Variants in NALCN observed in about 807,000 individuals in gnomAD.
The protein encoded by NALCN is sodium leak channel NALCN.
NALCN carries 111 observed loss-of-function variants against 225.3 expected under a neutral mutation model. The ratio of observed to expected loss-of-function variants is 0.49; its 90% CI spans 0.42 to 0.58. The LOEUF is 0.58. Among genes scored for constraint, NALCN ranks in the 20% least tolerant of loss-of-function variants. NALCN has a pLI of 0.00. For missense variants in NALCN, 1,378 were observed against 2,202.4 expected, an observed-to-expected ratio of 0.63 and a Z score of 7.49; for synonymous variants, 764 against 769.0, an observed-to-expected ratio of 0.99 and a Z score of 0.11.
intron 1 of NALCN, among the ~76,000 whole-genome samples, chr13:101,400,856 C>G (rs2047457170): frequency 1.3e-5 from 2 of 152,054 alleles, no homozygotes; most frequent in African/African-American, 4.8e-5. Context: ...CGGTTTCCCC[C>G]ATGCTGTTCT....
intron 9 of NALCN, among the ~76,000 whole-genome samples, chr13:101,284,805 A>G (rs1005800947): frequency 6.6e-6 from 1 of 152,184 alleles, no homozygotes; most frequent in Non-Finnish European, 1.5e-5. Flanking sequence ...GGTACCTATT[A>G]TCTCCTAGGT....
chr13:101,061,884 T>C, intron 41 of NALCN, 84 bp downstream of exon 41: 20 of 1,337,088 alleles, frequency 1.5e-5, no homozygotes, highest in Non-Finnish European at 2.0e-5. Context: ...AATCCCATGT[T>C]CACGAAGCTC....
At chr13:101,157,768 C>G (rs1388160229) in intron 15 of NALCN, among the ~76,000 whole-genome samples, 1 of 132,374 alleles carries the variant, frequency 7.6e-6, no homozygotes, top group Non-Finnish European at 1.6e-5. Context: ...TTTTTTTTTC[C>G]TGAGATGGAG....
intron 10 of NALCN, among the ~76,000 whole-genome samples, chr13:101,266,954 T>A (rs2042616448): frequency 6.6e-6 from 1 of 152,210 alleles, no homozygotes; most frequent in South Asian, 2.1e-4. Context: ...AACCAGTGGA[T>A]ATCCTTAGAG....
At chr13:101,301,934 A>G (rs907106637) in intron 7 of NALCN, among the ~76,000 whole-genome samples, 3 of 152,214 alleles carry the variant, frequency 2.0e-5, no homozygotes, top group African/African-American at 4.8e-5. Context: ...AATGTTAATT[A>G]GAAGCTTTTC....
intron 7 of NALCN, among the ~76,000 whole-genome samples, chr13:101,303,734 G>A (rs984422916): frequency 3.3e-5 from 5 of 152,094 alleles, no homozygotes; most frequent in South Asian, 2.1e-4. Flanking sequence ...GTCTTTCCGC[G>A]CTCTCATTAG....
chr13:101,183,917 A>G (rs191656834), intron 14 of NALCN, among the ~76,000 whole-genome samples: 1 of 152,174 alleles, frequency 6.6e-6, no homozygotes, highest in African/African-American at 2.4e-5. Context: ...TAGTTTGTAC[A>G]ATGCTGTAAA....
At chr13:101,376,002 A>G (rs879452823) in intron 6 of NALCN, among the ~76,000 whole-genome samples, 1 of 152,188 alleles carries the variant, frequency 6.6e-6, no homozygotes, top group Non-Finnish European at 1.5e-5. Flanking sequence ...AATACATAAT[A>G]GGTAATTAAA....
rs1376531968 is a variant in NALCN at position 101,107,836 on chromosome 13, A to G, written c.2365-47T>C. ...GTGTGTTAAAACAGGAGGGTTTTGAATGCAAAATATATTATCAGTTAAAAA... is the reference window on the plus strand; with the variant it reads ...GTGTGTTAAAACAGGAGGGTTTTGAGTGCAAAATATATTATCAGTTAAAAA... On this transcript the variant is annotated intron_variant, in intron 20 of 43. Coordinates refer to ENST00000251127, the MANE Select transcript of NALCN (RefSeq NM_052867.4). 7 of 1,501,976 alleles carry G rather than the reference A, an allele frequency of 4.7e-6. No homozygotes were observed. The South Asian group carries it at 5.1e-5, about 11-fold the overall frequency. 93.0% of individuals were successfully genotyped at this position (1,501,976 alleles called of 1,614,324 possible).
intron 13 of NALCN, among the ~76,000 whole-genome samples, chr13:101,198,043 A>G (rs1171893551): frequency 6.6e-6 from 1 of 152,218 alleles, no homozygotes; most frequent in East Asian, 1.9e-4. Context: ...ATTAGAGTGT[A>G]TCATCTTCCT....
chr13:101,055,376 G>A lies in NALCN; in HGVS notation c.5136C>T (p.Cys1712=), dbSNP rs1179621139. 8.1e-6 allele frequency: 13 copies of A among 1,614,108 alleles called. No homozygotes were observed. The highest frequency in any genetic ancestry group is 4.5e-5 in the East Asian group (2 of 44,882). Residue 1712 remains cysteine (C), a synonymous_variant, in exon 44 of 44, where the codon TGC becomes TGT. Transcript: ENST00000251127. ...TCCACCACTTCTTAACTTCAGAACC[G>A]CAGGAAGCCGCGTCAGTCATGGGGT... The part of the protein sequence containing the change: ...KMNPMTDAAS[C]GSEVKKWWTR...
chr13:101,100,446 G>A (rs1215048934), intron 27 of NALCN, among the ~76,000 whole-genome samples: 1 of 152,214 alleles, frequency 6.6e-6, no homozygotes, highest in African/African-American at 2.4e-5. Context: ...CTAGCCAGAA[G>A]AGACATATCA....
At position 101,055,478 on chromosome 13, in the gene NALCN, T is replaced by C. The variant is rs1424408821; in HGVS notation, c.5034A>G (p.Pro1678=). 3 of 1,614,052 alleles carry C rather than the reference T, an allele frequency of 1.9e-6. No homozygotes were observed. The highest frequency in any genetic ancestry group is 1.1e-5 in the South Asian group (1 of 91,064). The change falls in exon 44 of 44, where the codon CCA becomes CCG. Residue 1678 remains proline (P), a synonymous_variant. Transcript: ENST00000251127. ...GQWRLPSAPK[P]ISHSVSSVNL... ...TGACTGAGGACACTGAATGGCTTAT[T>C]GGTTTTGGGGCTGTGGAATTAATGA...
At position 101,180,372 on chromosome 13, in the gene NALCN, CT is replaced by C. The variant is rs35502882; in HGVS notation, c.1765-3999del. On this transcript the variant is annotated intron_variant, in intron 14 of 43. Coordinates refer to ENST00000251127, the MANE Select transcript of NALCN (RefSeq NM_052867.4). ...AGGCACCTACCACCATGCCTGGCTACTTTTTTTTTTTTTTTTATTTTTTGTA... is the reference window on the plus strand; with the variant it reads ...AGGCACCTACCACCATGCCTGGCTACTTTTTTTTTTTTTTTATTTTTTGTA... 7.1e-3 allele frequency: 904 copies of C among 128,168 alleles called. 9 individuals are homozygous for C. Among genetic ancestry groups the C allele is most frequent in the African/African-American group, 0.019 (695 of 35,684 alleles). 7.9% of individuals were successfully genotyped at this position (128,168 alleles called of 1,614,324 possible). A position where few individuals can be genotyped will look rare whatever the true frequency, so the allele number is the denominator to read the frequency against.
At chr13:101,270,313 G>C (rs577665225) in intron 10 of NALCN, among the ~76,000 whole-genome samples, 2 of 152,322 alleles carry the variant, frequency 1.3e-5, no homozygotes, top group South Asian at 4.1e-4. Flanking sequence ...TGATGGTTTT[G>C]AGATGTCATT....
chr13:101,172,479 G>A (rs1277868929), intron 15 of NALCN, among the ~76,000 whole-genome samples: 5 of 151,926 alleles, frequency 3.3e-5, no homozygotes, highest in East Asian at 1.9e-4. Flanking sequence ...GCTTAAGGGC[G>A]GCCTCTCCTC....
intron 10 of NALCN, among the ~76,000 whole-genome samples, chr13:101,267,694 C>A (rs1440886590): frequency 3.3e-5 from 5 of 152,176 alleles, no homozygotes; most frequent in African/African-American, 1.2e-4. Flanking sequence ...TAATGGCGAG[C>A]CACACCCAAA....
At chr13:101,268,411 C>A (rs1023135129) in intron 10 of NALCN, among the ~76,000 whole-genome samples, 1 of 152,168 alleles carries the variant, frequency 6.6e-6, no homozygotes, top group Admixed American at 6.5e-5. Context: ...CTTATGGCAT[C>A]TCTGAGTCTG....
chr13:101,259,751 T>TATATATAC (rs10622707), intron 10 of NALCN, among the ~76,000 whole-genome samples: 207 of 131,948 alleles, frequency 1.6e-3, no homozygotes, highest in Admixed American at 2.2e-3. Context: ...TATATATATA[T>TATATATAC]ACACACACAC....
Sources: gnomAD v4.1 joint callset for allele counts (sites outside exome capture counted in the v4.1 genomes callset) on GRCh38, gnomAD v4.1.1 for gene constraint, MANE v1.5 for transcripts, NCBI Gene and HGNC (gene_info 2026-07-23, HGNC 2026-07-21) for gene names.